MRTO4: variants seen among roughly 807,000 people sequenced by gnomAD.
The protein encoded by MRTO4 is MRT4 homolog, ribosome maturation factor, also known as mRNA turnover protein 4 homolog.
MRTO4 carries 7 observed loss-of-function variants against 28.6 expected under a neutral mutation model. The ratio of observed to expected loss-of-function variants is 0.24; its 90% CI spans 0.14 to 0.46. The LOEUF is 0.46. MRTO4 is among the 20% of genes least tolerant of loss of function. MRTO4 has a pLI of 0.99. For synonymous variants in MRTO4, 113 were observed against 108.2 expected, an observed-to-expected ratio of 1.04 and a Z score of -0.27; for missense variants, 302 against 298.3, an observed-to-expected ratio of 1.01 and a Z score of -0.09.
In MRTO4 at chr1:19,255,861, C is replaced by T. The variant is rs976910661; in HGVS notation, c.88-87C>T. The T allele has an allele frequency of 3.1e-5, 35 of 1,120,704 alleles. No individual in the cohort carries two copies. In the Middle Eastern group the frequency reaches 7.9e-4, roughly 25 times the overall value. 69.4% of individuals were successfully genotyped at this position (1,120,704 alleles called of 1,614,324 possible). ...CCAGTTTCCATAGTTGTCAGGGGCC[C>T]AGAGCAGATTCATTCTCATCTGAGG... On this transcript the variant is annotated intron_variant, in intron 2 of 7. Transcript: ENST00000330263.
At chr1:19,256,679 C>T (rs546935999) in intron 3 of MRTO4, among the ~76,000 whole-genome samples, 31 of 152,150 alleles carry the variant, frequency 2.0e-4, no homozygotes, top group African/African-American at 6.7e-4. Context: ...CACTGCGACA[C>T]AGACAGTGAC....
At chr1:19,254,990 C>A in intron 2 of MRTO4, 150 bp downstream of exon 2, 1 of 658,636 alleles carries the variant, frequency 1.5e-6, no homozygotes, top group Non-Finnish European at 2.5e-6. Flanking sequence ...GGCCTTTTTC[C>A]TCCAGCAGCA....
At chr1:19,255,019 A>G (rs903387597) in intron 2 of MRTO4, among the ~76,000 whole-genome samples, 179 bp downstream of exon 2, 2 of 151,494 alleles carry the variant, frequency 1.3e-5, no homozygotes, top group African/African-American at 4.9e-5. Context: ...AAAAACTTCC[A>G]TAGTGATGAT....
intron 1 of MRTO4, among the ~76,000 whole-genome samples, chr1:19,252,468 C>A (rs1002379643): frequency 2.6e-5 from 4 of 152,194 alleles, no homozygotes; most frequent in African/African-American, 9.6e-5. Context: ...GAGGCCGAGG[C>A]GGGCGAATCA....
intron 1 of MRTO4, among the ~76,000 whole-genome samples, chr1:19,254,376 G>A (rs1219262552): frequency 6.6e-6 from 1 of 151,786 alleles, no homozygotes; most frequent in Non-Finnish European, 1.5e-5. Context: ...CAGCCTGGGT[G>A]ACAGAGTGAG....
chr1:19,259,079 G>C lies in MRTO4; in HGVS notation c.*249G>C, dbSNP rs927218154. ...AGATTAAGACCATCCTGGCTAACAC[G>C]GTGAAACCCCGTCTCTACTAAAAAT... On this transcript the variant is annotated 3_prime_UTR_variant, in exon 8 of 8. Transcript: ENST00000330263. The C allele has an allele frequency of 2.7e-6, 1 of 371,756 alleles. No homozygotes were observed. The highest frequency in any genetic ancestry group is 4.9e-6 in the Non-Finnish European group (1 of 206,094). The allele number at this position is 371,756 out of a possible 1,614,324, so 23.0% of individuals were successfully genotyped here. A position where few individuals can be genotyped will look rare whatever the true frequency, so the allele number is the denominator to read the frequency against.
In MRTO4 at chr1:19,258,548, G is replaced by C. The variant is rs754307809; in HGVS notation, c.565G>C (p.Val189Leu). ...GDVLTPEQAR[V>L]LKLFGYEMAE... ...TGTGCTGACCCCAGAGCAGGCTCGC[G>C]TCCTGGTGAGTCTGGCGCCTTGCGG... The change falls in exon 7 of 8, where the codon GTC becomes CTC. Residue 189 changes from valine (V) to leucine (L), a missense_variant. By Grantham distance (32) the Val-to-Leu change is conservative. Coordinates refer to ENST00000330263, the MANE Select transcript of MRTO4 (RefSeq NM_016183.4). 1 of 1,614,076 alleles carries C rather than the reference G, an allele frequency of 6.2e-7. No homozygotes were observed. Among genetic ancestry groups the C allele is most frequent in the Non-Finnish European group, 8.5e-7 (1 of 1,180,044 alleles).
Position 19,256,135 on chromosome 1 carries a change from C to G in MRTO4, c.191+84C>G. 5.1e-6 allele frequency: 6 copies of G among 1,184,356 alleles called. No individual in the cohort carries two copies. The Admixed American group carries it at 1.1e-4, about 22-fold the overall frequency. 73.4% of individuals were successfully genotyped at this position (1,184,356 alleles called of 1,614,324 possible). On this transcript the variant is annotated intron_variant, in intron 3 of 7. Coordinates refer to ENST00000330263, the MANE Select transcript of MRTO4 (RefSeq NM_016183.4). ...GTCAAAGCACAGGAGCAATTTCTGA[C>G]CCTTTAGGTGCCTGGGTCATGCCGC...
intron 3 of MRTO4, 132 bp downstream of exon 3, chr1:19,256,183 T>G (rs1376876417): frequency 2.8e-6 from 2 of 724,482 alleles, no homozygotes; most frequent in Non-Finnish European, 4.7e-6. Flanking sequence ...AAGGACAAAG[T>G]GCTACCTGCC....
intron 1 of MRTO4, among the ~76,000 whole-genome samples, chr1:19,252,435 C>G (rs1387255987): frequency 1.3e-5 from 2 of 152,310 alleles, no homozygotes; most frequent in South Asian, 4.1e-4. Context: ...CGGTGGCTCA[C>G]GCCTGTAATC....
intron 1 of MRTO4, 25 bp downstream of exon 1, chr1:19,251,888 C>A: frequency 6.3e-7 from 1 of 1,586,710 alleles, no homozygotes; most frequent in Non-Finnish European, 8.6e-7. Context: ...AGTCGGGACC[C>A]TGGGGGGAGC....
chr1:19,258,371 G>A (rs1016249556), intron 6 of MRTO4, 106 bp from the exon 7 acceptor site: 76 of 1,358,310 alleles, frequency 5.6e-5, no homozygotes, highest in Non-Finnish European at 6.4e-5. Context: ...TGTTGGAGCC[G>A]TGGGGAGGGC....
intron 2 of MRTO4, among the ~76,000 whole-genome samples, chr1:19,255,398 G>A (rs952957485): frequency 2.2e-5 from 2 of 90,960 alleles, no homozygotes; most frequent in Non-Finnish European, 2.2e-5. Context: ...GTGAGACCCT[G>A]TCTTTAAAAA....
chr1:19,251,817 C>A lies in MRTO4; in HGVS notation c.-19C>A, dbSNP rs2093660913. ...CCTAACGGGGTGCACCGTCTTCCGC[C>A]GCACGTGGATTCAGCGCGATGCCCA... is the stretch of plus-strand genomic sequence containing the variant. On this transcript the variant is annotated 5_prime_UTR_variant, in exon 1 of 8. Coordinates refer to ENST00000330263, the MANE Select transcript of MRTO4 (RefSeq NM_016183.4). 3 of 1,568,876 alleles carry A rather than the reference C, an allele frequency of 1.9e-6. No individual in the cohort carries two copies. Among genetic ancestry groups the A allele is most frequent in the Non-Finnish European group, 2.6e-6 (3 of 1,158,118 alleles).
chr1:19,258,012 C>A, intron 6 of MRTO4, 28 bp downstream of exon 6: 1 of 1,611,080 alleles, frequency 6.2e-7, no homozygotes, highest in South Asian at 1.1e-5. Flanking sequence ...GCCAAAAGGT[C>A]ACAGCCTAGA....
In MRTO4 at chr1:19,259,749, G is replaced by C. The variant is rs1373173749; in HGVS notation, c.*919G>C. 1.3e-5 allele frequency: 2 copies of C among 152,224 alleles called. No homozygotes were observed. The highest frequency in any genetic ancestry group is 2.9e-5 in the Non-Finnish European group (2 of 68,062). The allele number at this position is 152,224 out of a possible 1,614,324, so 9.4% of individuals were successfully genotyped here. On this transcript the variant is annotated 3_prime_UTR_variant, in exon 8 of 8. Transcript: ENST00000330263. ...TAGCCCTCCACACACTTCCAAACCA[G>C]GGCTGCGGATCTGATGGATGCCAGG...
chr1:19,257,105 G>C lies in MRTO4; in HGVS notation c.233G>C (p.Gly78Ala), dbSNP rs1489869148. Residue 78 changes from glycine to alanine, a missense_variant, in exon 4 of 8, where the codon GGT becomes GCT. Physicochemically the swap from Gly to Ala is moderately conservative, Grantham distance 60. Coordinates refer to ENST00000330263, the MANE Select transcript of MRTO4 (RefSeq NM_016183.4). ...GKNKVMMVAL[G>A]RSPSDEYKDN... is the part of the protein sequence containing the mutation. ...AACAAGGTGATGATGGTGGCCTTGG[G>C]TCGGAGCCCATCTGATGAATACAAA... is the stretch of plus-strand genomic sequence containing the variant. The C allele has an allele frequency of 6.2e-7, 1 of 1,614,052 alleles. No homozygotes were observed. Among genetic ancestry groups the C allele is most frequent in the Non-Finnish European group, 8.5e-7 (1 of 1,180,036 alleles).
intron 1 of MRTO4, chr1:19,252,217 ACCCT>A (rs1244181361): frequency 2.9e-6 from 1 of 349,648 alleles, no homozygotes. Flanking sequence ...CGCTCCCGCC[ACCCT>A]GGCTGCCTTT....
intron 1 of MRTO4, among the ~76,000 whole-genome samples, chr1:19,252,702 A>AAAAT (rs2093664114): frequency 6.6e-6 from 1 of 152,206 alleles, no homozygotes; most frequent in Non-Finnish European, 1.5e-5. Flanking sequence ...CTCCGTCTCA[A>AAAAT]AAATAAATAA....
Sources: gnomAD v4.1 joint callset for allele counts (sites outside exome capture counted in the v4.1 genomes callset) on GRCh38, gnomAD v4.1.1 for gene constraint, MANE v1.5 for transcripts, NCBI Gene and HGNC (gene_info 2026-07-23, HGNC 2026-07-21) for gene names.